The following CAPN8 variants were observed in gnomAD, a reference collection of about 807,000 sequenced individuals.
The protein encoded by CAPN8 is calpain 8.
Under a neutral mutation model 80.9 loss-of-function variants are expected in CAPN8, and 87 were observed. That is an observed-to-expected ratio of 1.07 (90% CI 0.90 to 1.28). The LOEUF (loss-of-function observed/expected upper bound fraction) is 1.28. CAPN8 is among the 50% of genes most tolerant of loss of function. CAPN8 has a pLI of 0.00. For synonymous variants in CAPN8, 299 were observed against 273.8 expected (o/e 1.09, Z -0.91); for missense variants, 757 against 702.0 (o/e 1.08, Z -0.89).
chr1:223,552,960 C>T (rs1656829327), intron 14 of CAPN8, among the ~76,000 whole-genome samples: 1 of 152,078 alleles, frequency 6.6e-6, no homozygotes, highest in Non-Finnish European at 1.5e-5. Context: ...CTCATCTTTG[C>T]AAGGGTTTTA....
rs1412195382 is a variant in CAPN8 at position 223,654,357 on chromosome 1, G to A, written c.280C>T (p.Arg94Cys). ...AGACCACCCTGACAAATGTCTGTGC[G>A]CGTGGCTCCACCAACGATAAACTGA... ...SPQFIVGGAT[R>C]TDICQGGLGD... Residue 94 changes from arginine (R) to cysteine (C), a missense_variant, in exon 2 of 21, where the codon CGC (arginine) becomes TGC (cysteine). Arg to Cys is a radical substitution (Grantham distance 180). Coordinates refer to ENST00000366872, the MANE Select transcript of CAPN8 (RefSeq NM_001143962.2). 3.2e-5 allele frequency: 50 copies of A among 1,551,546 alleles called. No homozygotes were observed. The highest frequency in any genetic ancestry group is 1.4e-4 in the Admixed American group (7 of 50,980).
intron 6 of CAPN8, among the ~76,000 whole-genome samples, chr1:223,624,907 A>G (rs2102710559): frequency 1.3e-5 from 2 of 152,044 alleles, no homozygotes; most frequent in East Asian, 3.9e-4. Context: ...ATCCTGGCTG[A>G]CACAGTGAAA....
chr1:223,628,115 C>A lies in CAPN8; in HGVS notation c.454G>T (p.Val152Leu). 1 of 1,550,660 alleles carries A rather than the reference C, an allele frequency of 6.4e-7. No individual in the cohort carries two copies. The highest frequency in any genetic ancestry group is 1.4e-5 in the African/African-American group (1 of 73,118). The change falls in exon 4 of 21, where the codon GTG becomes TTG. Residue 152 changes from valine (V) to leucine (L), a missense_variant. By Grantham distance (32) the Val-to-Leu change is conservative. Coordinates refer to ENST00000366872, the MANE Select transcript of CAPN8 (RefSeq NM_001143962.2). ...QFWQYGEWVE[V>L]VIDDRLPTKN... ...GTGGGCAGCCTGTCGTCAATGACCA[C>A]CTCCACCCACTCTCCGTACTGCCAG... is the stretch of plus-strand genomic sequence containing the variant.
At chr1:223,652,215 G>C (rs1658360923) in intron 2 of CAPN8, among the ~76,000 whole-genome samples, 1 of 152,098 alleles carries the variant, frequency 6.6e-6, no homozygotes, top group Admixed American at 6.5e-5. Flanking sequence ...GGTGGTGCAT[G>C]CCTGCTGTCT....
At position 223,616,171 on chromosome 1, in the gene CAPN8, T is replaced by C. The variant is rs958593562; in HGVS notation, c.1136-26A>G. On this transcript the variant is annotated intron_variant, in intron 9 of 20. Transcript: ENST00000366872. ...CTGGAAGTCACCCAGGTGATGGTGG[T>C]TCCCCACGTAGCGGGTGAGGAGATG... 2.6e-6 allele frequency: 4 copies of C among 1,538,120 alleles called. No homozygotes were observed. In the African/African-American group the frequency reaches 5.5e-5, roughly 21 times the overall value.
In CAPN8 at chr1:223,654,362, G is replaced by A; in HGVS notation, c.275C>T (p.Ala92Val). 1 of 1,551,652 alleles carries A rather than the reference G, an allele frequency of 6.4e-7. No homozygotes were observed. Among genetic ancestry groups the A allele is most frequent in the Non-Finnish European group, 8.7e-7 (1 of 1,146,980 alleles). The change falls in exon 2 of 21, where the codon GCC (alanine) becomes GTC (valine). Residue 92 changes from alanine to valine, a missense_variant. Physicochemically the swap from Ala to Val is moderately conservative, Grantham distance 64. Transcript: ENST00000366872. Reference sequence around the variant, plus strand: ...ACCCTGACAAATGTCTGTGCGCGTGGCTCCACCAACGATAAACTGAGGGCT... The same window carrying A: ...ACCCTGACAAATGTCTGTGCGCGTGACTCCACCAACGATAAACTGAGGGCT... ...CPSPQFIVGG[A>V]TRTDICQGGL... is the part of the protein sequence containing the mutation.
Position 223,623,463 on chromosome 1 carries a change from C to G in CAPN8, c.814-563G>C, listed in dbSNP as rs187945784. Among the ~76,000 whole-genome samples, 150 of 152,280 alleles carry G rather than the reference C, an allele frequency of 9.9e-4. 1 individual carries two copies. The highest frequency in any genetic ancestry group is 3.4e-3 in the African/African-American group (142 of 41,550). On this transcript the variant is annotated intron_variant, in intron 6 of 20. Coordinates refer to ENST00000366872, the MANE Select transcript of CAPN8 (RefSeq NM_001143962.2). ...GGTGAACGCAGGCCAGGAACTCAGG[C>G]AGTCCGTCTCCAAAGCCCATACTCC...
At chr1:223,650,159 G>A (rs1658307182) in intron 2 of CAPN8, among the ~76,000 whole-genome samples, 2 of 152,172 alleles carry the variant, frequency 1.3e-5, no homozygotes, top group Admixed American at 6.5e-5. Flanking sequence ...ATAGATTTAG[G>A]AGAGGGGGAA....
chr1:223,647,007 C>A (rs1573243), intron 2 of CAPN8, among the ~76,000 whole-genome samples: 2 of 152,186 alleles, frequency 1.3e-5, no homozygotes, highest in African/African-American at 4.8e-5. Context: ...CCTGGCCTGG[C>A]ACCACCTGCC....
chr1:223,658,924 G>A (rs369489845), intron 1 of CAPN8, among the ~76,000 whole-genome samples: 1 of 152,222 alleles, frequency 6.6e-6, no homozygotes, highest in African/African-American at 2.4e-5. Flanking sequence ...GCACAGATCA[G>A]AGATACAAAG....
intron 9 of CAPN8, chr1:223,617,239 T>G (rs962778623): frequency 1.4e-5 from 2 of 145,962 alleles, no homozygotes; most frequent in Non-Finnish European, 3.0e-5. Context: ...GATTACTTAT[T>G]CAATTCCACC....
intron 2 of CAPN8, among the ~76,000 whole-genome samples, chr1:223,630,686 C>T (rs1657748498): frequency 6.6e-6 from 1 of 152,124 alleles, no homozygotes; most frequent in Non-Finnish European, 1.5e-5. Flanking sequence ...CTGCTTCCTG[C>T]CTCACTCTCT....
chr1:223,621,732 T>C lies in CAPN8; in HGVS notation c.899+1083A>G, dbSNP rs1019233763. 2.0e-5 allele frequency among the ~76,000 whole-genome samples: 3 copies of C among 152,210 alleles called. No individual in the cohort carries two copies. The South Asian group carries it at 6.2e-4, about 32-fold the overall frequency. On this transcript the variant is annotated intron_variant, in intron 7 of 20. Coordinates refer to ENST00000366872, the MANE Select transcript of CAPN8 (RefSeq NM_001143962.2). ...ATGATGCTGTGATTAAACTTGGCGA[T>C]GTCCCCTTCGAAAGCCCTGGTGGCA... is the stretch of plus-strand genomic sequence containing the variant.
intron 2 of CAPN8, chr1:223,642,840 T>C (rs777629233): frequency 1.3e-5 from 6 of 456,266 alleles, no homozygotes; most frequent in South Asian, 9.3e-5. Flanking sequence ...GTTTCTGTGA[T>C]TGTGGAAGGA....
chr1:223,621,677 C>T (rs904487229), intron 7 of CAPN8, among the ~76,000 whole-genome samples: 18 of 152,064 alleles, frequency 1.2e-4, no homozygotes, highest in African/African-American at 4.1e-4. Flanking sequence ...GGAGTTACTG[C>T]CCCTCTGCGT....
chr1:223,619,256 C>T, intron 9 of CAPN8, 37 bp downstream of exon 9: 1 of 1,549,340 alleles, frequency 6.5e-7, no homozygotes, highest in East Asian at 2.4e-5. Context: ...GGAGGATAAG[C>T]TGGAGGAGGT....
chr1:223,611,907 A>C (rs188110331), intron 11 of CAPN8, among the ~76,000 whole-genome samples: 8 of 152,306 alleles, frequency 5.3e-5, no homozygotes, highest in Admixed American at 2.0e-4. Context: ...ACCTATACAT[A>C]ATTAGTGCAA....
chr1:223,630,929 T>G (rs1221537085), intron 2 of CAPN8, among the ~76,000 whole-genome samples: 1 of 152,118 alleles, frequency 6.6e-6, no homozygotes, highest in Non-Finnish European at 1.5e-5. Flanking sequence ...TCTCAGCCCA[T>G]TTTTCTTCTA....
Position 223,612,226 on chromosome 1 carries a change from C to G in CAPN8, c.1323+20G>C, listed in dbSNP as rs1194661725. On this transcript the variant is annotated intron_variant, in intron 11 of 20. Transcript: ENST00000366872. ...GCTATTTCTCACCAAAGGAAGGAATCTCTGTCAGCACTCACATACCTCCTT... is the reference window on the plus strand; with the variant it reads ...GCTATTTCTCACCAAAGGAAGGAATGTCTGTCAGCACTCACATACCTCCTT... The G allele has an allele frequency of 4.3e-5, 53 of 1,234,246 alleles. No individual in the cohort carries two copies. Among genetic ancestry groups the G allele is most frequent in the Non-Finnish European group, 5.3e-5 (52 of 988,086 alleles). 76.5% of individuals were successfully genotyped at this position (1,234,246 alleles called of 1,614,324 possible). A position where few individuals can be genotyped will look rare whatever the true frequency, so the allele number is the denominator to read the frequency against.
Sources: gnomAD v4.1 joint callset for allele counts (sites outside exome capture counted in the v4.1 genomes callset) on GRCh38, gnomAD v4.1.1 for gene constraint, MANE v1.5 for transcripts, NCBI Gene and HGNC (gene_info 2026-07-23, HGNC 2026-07-21) for gene names.